Variants in PARD3 observed in about 807,000 individuals in gnomAD.
PARD3 encodes par-3 family cell polarity regulator, also known as partitioning defective 3 homolog.
A neutral mutation model predicts 155.4 loss-of-function variants in PARD3; 75 were observed. The observed-to-expected ratio is 0.48, with a 90% CI of 0.40 to 0.58. The LOEUF is 0.58. Among genes scored for constraint, PARD3 ranks in the 20% least tolerant of loss-of-function variants. The pLI is 0.00. For missense variants in PARD3, 1,642 were observed against 1,721.7 expected, an observed-to-expected ratio of 0.95 and a Z score of 0.82; for synonymous variants, 576 against 610.5, an observed-to-expected ratio of 0.94 and a Z score of 0.83.
intron 22 of PARD3, among the ~76,000 whole-genome samples, chr10:34,204,214 C>T (rs1403344600): frequency 6.6e-6 from 1 of 152,144 alleles, no homozygotes; most frequent in Non-Finnish European, 1.5e-5. Flanking sequence ...CCTCTATTAA[C>T]CTCAATAGGA....
intron 11 of PARD3, 68 bp downstream of exon 11, chr10:34,374,806 C>G (rs999884023): frequency 6.8e-7 from 1 of 1,460,436 alleles, no homozygotes; most frequent in South Asian, 1.3e-5. Flanking sequence ...CATTTGCCAT[C>G]AGGCAACTAA....
intron 22 of PARD3, among the ~76,000 whole-genome samples, chr10:34,183,623 C>T (rs1950360199): frequency 6.6e-6 from 1 of 152,270 alleles, no homozygotes; most frequent in South Asian, 2.1e-4. Context: ...AACATCATGG[C>T]GTCTGCATTT....
rs144351720 is a variant in PARD3, at chr10:34,474,337, T to C, written c.404-4074A>G. ...AGACCCCGGGGCAGGTATAGGTTCA[T>C]ACAGCCTACAATTTAGACTCAGCAA... On this transcript the variant is annotated intron_variant, in intron 3 of 24. Transcript: ENST00000374788. 6.8e-4 allele frequency among the ~76,000 whole-genome samples: 104 copies of C among 152,346 alleles called. 1 individual carries two copies. The South Asian group carries it at 7.5e-3, about 11-fold the overall frequency.
At chr10:34,156,511 T>A (rs1443046204) in intron 22 of PARD3, among the ~76,000 whole-genome samples, 1 of 152,228 alleles carries the variant, frequency 6.6e-6, no homozygotes, top group East Asian at 1.9e-4. Context: ...AAAGGTATAA[T>A]TTTTAAGTTT....
rs550681782 is a variant in PARD3, at chr10:34,531,833, T to G, written c.223-14674A>C. Among the ~76,000 whole-genome samples, 3 of 152,298 alleles carry G rather than the reference T, an allele frequency of 2.0e-5. No individual in the cohort carries two copies. The South Asian group carries it at 6.2e-4, about 32-fold the overall frequency. ...TTGGCGTTATTCAAGGTTTACAGTT[T>G]CATATTAAACATGATGAAAAATGCA... is the stretch of plus-strand genomic sequence containing the variant. On this transcript the variant is annotated intron_variant, in intron 2 of 24. Transcript: ENST00000374788.
At chr10:34,593,548 C>T (rs973991564) in intron 2 of PARD3, among the ~76,000 whole-genome samples, 2 of 152,178 alleles carry the variant, frequency 1.3e-5, no homozygotes, top group African/African-American at 4.8e-5. Flanking sequence ...AAATGCACCT[C>T]CCAGCATTCA....
intron 20 of PARD3, among the ~76,000 whole-genome samples, chr10:34,316,507 G>A (rs1477722022): frequency 1.3e-4 from 20 of 152,126 alleles, no homozygotes; most frequent in Non-Finnish European, 1.3e-4. Flanking sequence ...ATTAATGAAC[G>A]CAGCTTAATT....
In PARD3 at chr10:34,585,902, G is replaced by A. The variant is rs537002905; in HGVS notation, c.223-68743C>T. On this transcript the variant is annotated intron_variant, in intron 2 of 24. Coordinates refer to ENST00000374788, the MANE Select transcript of PARD3 (RefSeq NM_001184785.2). ...TCCTGAGAAGGAAACTGAATGGCTCGGATATGGTGTCATCAATTACATATT... is the reference window on the plus strand; with the variant it reads ...TCCTGAGAAGGAAACTGAATGGCTCAGATATGGTGTCATCAATTACATATT... 5.9e-5 allele frequency among the ~76,000 whole-genome samples: 9 copies of A among 152,144 alleles called. No homozygotes were observed. In the East Asian group the frequency reaches 1.2e-3, roughly 20 times the overall value.
chr10:34,311,608 A>C (rs1346870743), intron 20 of PARD3, among the ~76,000 whole-genome samples: 1 of 152,234 alleles, frequency 6.6e-6, no homozygotes, highest in African/African-American at 2.4e-5. Flanking sequence ...TTTATGAAAG[A>C]GTGTGTGCTC....
chr10:34,520,551 C>A (rs2082082290), intron 2 of PARD3, among the ~76,000 whole-genome samples: 1 of 152,096 alleles, frequency 6.6e-6, no homozygotes, highest in Non-Finnish European at 1.5e-5. Context: ...AGACATTCCA[C>A]TAGATTAGGG....
intron 7 of PARD3, among the ~76,000 whole-genome samples, chr10:34,390,842 G>A (rs1035578809): frequency 1.3e-5 from 2 of 152,168 alleles, no homozygotes; most frequent in African/African-American, 4.8e-5. Flanking sequence ...TACACATTTA[G>A]TTTTATTGTA....
At chr10:34,502,991 A>G (rs2080817844) in intron 3 of PARD3, among the ~76,000 whole-genome samples, 1 of 152,170 alleles carries the variant, frequency 6.6e-6, no homozygotes, top group South Asian at 2.1e-4. Context: ...TCAGAATTAA[A>G]TGCAGTTTTA....
chr10:34,337,138 A>T, intron 17 of PARD3, 137 bp downstream of exon 17: 1 of 534,044 alleles, frequency 1.9e-6, no homozygotes, highest in Non-Finnish European at 3.1e-6. Context: ...AGAAAAACTA[A>T]TTTTTGCCAA....
chr10:34,779,403 G>A lies in PARD3; in HGVS notation c.120+35473C>T, dbSNP rs908564616. On this transcript the variant is annotated intron_variant, in intron 1 of 24. Transcript: ENST00000374788. ...GGCCCAGCAGATCACGACATCAGGC[G>A]ATCGAGACCATCCTGGCTAACACGG... Among the ~76,000 whole-genome samples the A allele has an allele frequency of 8.6e-5, 13 of 151,928 alleles. 1 individual carries two copies. Among genetic ancestry groups the A allele is most frequent in the Admixed American group, 2.6e-4 (4 of 15,254 alleles).
chr10:34,318,365 G>A (rs191284313), intron 19 of PARD3, among the ~76,000 whole-genome samples: 2 of 152,282 alleles, frequency 1.3e-5, no homozygotes, highest in Non-Finnish European at 2.9e-5. Flanking sequence ...TAATTACTCC[G>A]TGAATTCTTA....
At chr10:34,203,056 G>C (rs2133350838) in intron 22 of PARD3, among the ~76,000 whole-genome samples, 1 of 150,450 alleles carries the variant, frequency 6.6e-6, no homozygotes, top group African/African-American at 2.5e-5. Context: ...CCAGCACCCT[G>C]GCCCCACTGC....
At chr10:34,809,391 A>G (rs1362896996) in intron 1 of PARD3, among the ~76,000 whole-genome samples, 1 of 152,150 alleles carries the variant, frequency 6.6e-6, no homozygotes, top group Admixed American at 6.6e-5. Context: ...CACACAGCAC[A>G]GCCCAAGCAT....
chr10:34,654,811 C>T (rs909341129), intron 2 of PARD3, among the ~76,000 whole-genome samples: 4 of 152,136 alleles, frequency 2.6e-5, no homozygotes, highest in Non-Finnish European at 5.9e-5. Flanking sequence ...TCCTTAATTC[C>T]GATCAATGTC....
rs1206295178 is a variant in PARD3, at chr10:34,296,413, T to C, written c.3066-12168A>G. On this transcript the variant is annotated intron_variant, in intron 20 of 24. Coordinates refer to ENST00000374788, the MANE Select transcript of PARD3 (RefSeq NM_001184785.2). ...ACCCAGTTAATTTTTAAGTTTTTTG[T>C]AGAGACAAGGTCTTGCTATGTTGCC... is the stretch of plus-strand genomic sequence containing the variant. Among the ~76,000 whole-genome samples the C allele has an allele frequency of 3.9e-4, 60 of 152,282 alleles. 2 individuals are homozygous for C. The highest frequency in any genetic ancestry group is 3.9e-3 in the Admixed American group (60 of 15,298).
Sources: allele counts gnomAD v4.1 joint callset (sites outside exome capture counted in the v4.1 genomes callset), GRCh38; gene constraint gnomAD v4.1.1; transcripts MANE v1.5; gene names NCBI Gene and HGNC (gene_info 2026-07-23, HGNC 2026-07-21).